Variants in ETFBKMT observed in about 807,000 individuals in gnomAD.
ETFBKMT encodes the protein electron transfer flavoprotein beta subunit lysine methyltransferase.
Under a neutral mutation model 18.3 loss-of-function variants are expected in ETFBKMT, and 13 were observed. That is an observed-to-expected ratio of 0.71 (90% CI 0.46 to 1.13). ETFBKMT has a LOEUF of 1.13. ETFBKMT is among the 50% of genes most tolerant of loss of function. ETFBKMT has a pLI of 0.00. For synonymous variants in ETFBKMT, 84 were observed against 107.9 expected (o/e 0.78, Z 1.37); for missense variants, 293 against 306.2 (o/e 0.96, Z 0.32).
intron 1 of ETFBKMT, among the ~76,000 whole-genome samples, chr12:31,653,239 T>C (rs1592131919): frequency 6.6e-6 from 1 of 151,738 alleles, no homozygotes; most frequent in Non-Finnish European, 1.5e-5. Context: ...TACCAGTGTG[T>C]AGTAACATTG....
At chr12:31,652,692 G>T (rs1380802931) in intron 1 of ETFBKMT, among the ~76,000 whole-genome samples, 1 of 152,162 alleles carries the variant, frequency 6.6e-6, no homozygotes, top group Non-Finnish European at 1.5e-5. Context: ...TAGAGATGAT[G>T]GTGATTTATA....
chr12:31,647,582 A>G (rs978762272), intron 1 of ETFBKMT, among the ~76,000 whole-genome samples: 15 of 152,324 alleles, frequency 9.8e-5, no homozygotes, highest in African/African-American at 3.6e-4. Context: ...TAATCCCAGC[A>G]CTTTGTGGGA....
rs180687572 is a variant in ETFBKMT, at chr12:31,671,103, C to T, written c.*3113C>T. The T allele has an allele frequency of 2.0e-5, 3 of 152,204 alleles. No homozygotes were observed. Among genetic ancestry groups the T allele is most frequent in the East Asian group, 1.9e-4 (1 of 5,188 alleles). 9.4% of individuals were successfully genotyped at this position (152,204 alleles called of 1,614,324 possible). A position where few individuals can be genotyped will look rare whatever the true frequency, so the allele number is the denominator to read the frequency against. On this transcript the variant is annotated 3_prime_UTR_variant, in exon 4 of 4. Coordinates refer to ENST00000357721, the MANE Select transcript of ETFBKMT (RefSeq NM_001135863.2). ...CCAAAGAAGCTCACAATTTAGATGT[C>T]GAAACTAGTTTCTGCAAAAAGGGGA...
chr12:31,670,365 C>G lies in ETFBKMT; in HGVS notation c.*2375C>G, dbSNP rs1045391926. On this transcript the variant is annotated 3_prime_UTR_variant, in exon 4 of 4. Transcript: ENST00000357721. ...GTTGTTGACTTTTCAGTTTATTGAG[C>G]TTTTTTCTTATTGTGAGGATGGGAA... is the stretch of plus-strand genomic sequence containing the variant. 2.6e-5 allele frequency: 4 copies of G among 152,128 alleles called. No homozygotes were observed. Among genetic ancestry groups the G allele is most frequent in the Non-Finnish European group, 4.4e-5 (3 of 68,044 alleles). The allele number at this position is 152,128 out of a possible 1,614,324, so 9.4% of individuals were successfully genotyped here. A position where few individuals can be genotyped will look rare whatever the true frequency, so the allele number is the denominator to read the frequency against.
At position 31,672,061 on chromosome 12, in the gene ETFBKMT, A is replaced by AAAG. The variant is rs1951284318; in HGVS notation, c.*4071_*4072insAAG. The AAAG allele has an allele frequency of 2.5e-6, 1 of 392,462 alleles. No homozygotes were observed. Among genetic ancestry groups the AAAG allele is most frequent in the Non-Finnish European group, 4.6e-6 (1 of 217,370 alleles). The allele number at this position is 392,462 out of a possible 1,614,324, so 24.3% of individuals were successfully genotyped here. On this transcript the variant is annotated 3_prime_UTR_variant, in exon 4 of 4. Transcript: ENST00000357721. ...ATAGATCAGAGTTCATGCTAGGATT[A>AAAG]TCATTTCAAAAATAATGACTCATCC...
Position 31,672,260 on chromosome 12 carries a change from A to T in ETFBKMT, c.*4270A>T. 1 of 1,315,602 alleles carries T rather than the reference A, an allele frequency of 7.6e-7. No individual in the cohort carries two copies. Among genetic ancestry groups the T allele is most frequent in the Admixed American group, 2.0e-5 (1 of 50,516 alleles). 81.5% of individuals were successfully genotyped at this position (1,315,602 alleles called of 1,614,324 possible). ...TCTATAGATGGTTTCCTGGGAAAGT[A>T]GTTTTGATAAGCTTTCCTAGCATTG... On this transcript the variant is annotated 3_prime_UTR_variant, in exon 4 of 4. Coordinates refer to ENST00000357721, the MANE Select transcript of ETFBKMT (RefSeq NM_001135863.2).
At chr12:31,666,455 A>G (rs559487569) in intron 3 of ETFBKMT, among the ~76,000 whole-genome samples, 1 of 152,106 alleles carries the variant, frequency 6.6e-6, no homozygotes, top group Admixed American at 6.6e-5. Flanking sequence ...ATGTTAATTT[A>G]TGGGCTAGGA....
intron 2 of ETFBKMT, among the ~76,000 whole-genome samples, chr12:31,663,414 C>T (rs1951153901): frequency 6.6e-6 from 1 of 150,768 alleles, no homozygotes; most frequent in Non-Finnish European, 1.5e-5. Context: ...TTAGTAGAGA[C>T]AGGGTTTCAC....
upstream of ETFBKMT, among the ~76,000 whole-genome samples, chr12:31,658,278 C>T (rs994917445): frequency 6.6e-6 from 1 of 152,124 alleles, no homozygotes; most frequent in Admixed American, 6.5e-5. Context: ...GCGTTTACAT[C>T]AGCAACTAAT....
rs982100503 is a variant in ETFBKMT at position 31,671,324 on chromosome 12, A to G, written c.*3334A>G. ...TTGTAAGGACAAGAAATGGAGTTGA[A>G]TAAGTACCCCCCAACATATACAAGA... On this transcript the variant is annotated 3_prime_UTR_variant, in exon 4 of 4. Coordinates refer to ENST00000357721, the MANE Select transcript of ETFBKMT (RefSeq NM_001135863.2). The G allele has an allele frequency of 6.6e-6, 1 of 152,234 alleles. No homozygotes were observed. Among genetic ancestry groups the G allele is most frequent in the African/African-American group, 2.4e-5 (1 of 41,462 alleles). The allele number at this position is 152,234 out of a possible 1,614,324, so 9.4% of individuals were successfully genotyped here. A position where few individuals can be genotyped will look rare whatever the true frequency, so the allele number is the denominator to read the frequency against.
chr12:31,649,904 G>A (rs1018026477), intron 1 of ETFBKMT, among the ~76,000 whole-genome samples: 2 of 148,230 alleles, frequency 1.3e-5, no homozygotes, highest in Non-Finnish European at 3.0e-5. Context: ...TTACAGGCAC[G>A]TACCACCACA....
rs1951312914 is a variant in ETFBKMT, at chr12:31,672,928, T to A, written c.*4938T>A. 1.3e-5 allele frequency: 2 copies of A among 153,108 alleles called. No individual in the cohort carries two copies. Among genetic ancestry groups the A allele is most frequent in the African/African-American group, 4.8e-5 (2 of 41,464 alleles). 9.5% of individuals were successfully genotyped at this position (153,108 alleles called of 1,614,324 possible). A position where few individuals can be genotyped will look rare whatever the true frequency, so the allele number is the denominator to read the frequency against. On this transcript the variant is annotated 3_prime_UTR_variant, in exon 4 of 4. Coordinates refer to ENST00000357721, the MANE Select transcript of ETFBKMT (RefSeq NM_001135863.2). ...ACATTTTTCCATGTCTGTATAATAC[T>A]ACTATAAAGCATGATTTTAAATAGA...
At chr12:31,665,543 C>A (rs1951183218) in intron 2 of ETFBKMT, among the ~76,000 whole-genome samples, 1 of 152,000 alleles carries the variant, frequency 6.6e-6, no homozygotes, top group African/African-American at 2.4e-5. Context: ...ACCAGCTCGG[C>A]TGGGGAGACC....
intron 2 of ETFBKMT, 76 bp downstream of exon 2, chr12:31,662,343 C>G (rs1951135849): frequency 7.1e-7 from 1 of 1,401,442 alleles, no homozygotes. Flanking sequence ...TACAAAAAAC[C>G]AGAGCAATGC....
chr12:31,661,232 C>T (rs1394553228), intron 1 of ETFBKMT, among the ~76,000 whole-genome samples: 1 of 152,160 alleles, frequency 6.6e-6, no homozygotes, highest in Non-Finnish European at 1.5e-5. Flanking sequence ...ATACCGGAAC[C>T]AATCACTTGA....
chr12:31,664,816 T>C (rs1298106570), intron 2 of ETFBKMT, among the ~76,000 whole-genome samples: 1 of 151,720 alleles, frequency 6.6e-6, no homozygotes, highest in East Asian at 1.9e-4. Context: ...GGTTTCACCC[T>C]GTTGGCCAGG....
In ETFBKMT at chr12:31,672,477, T is replaced by G. The variant is rs921043051; in HGVS notation, c.*4487T>G. On this transcript the variant is annotated 3_prime_UTR_variant, in exon 4 of 4. Transcript: ENST00000357721. The stretch of plus-strand genomic sequence containing the variant: ...GTGATGTTAATTATTATACAGTTAT[T>G]TAAAGGATTAAAGGAGGTGATCTAT... 1.2e-6 allele frequency: 1 copy of G among 806,046 alleles called. No homozygotes were observed. Among genetic ancestry groups the G allele is most frequent in the African/African-American group, 1.7e-5 (1 of 58,224 alleles). The allele number at this position is 806,046 out of a possible 1,614,324, so 49.9% of individuals were successfully genotyped here.
chr12:31,656,489 G>A (rs1379206105), upstream of ETFBKMT, among the ~76,000 whole-genome samples: 1 of 152,162 alleles, frequency 6.6e-6, no homozygotes, highest in Non-Finnish European at 1.5e-5. Context: ...CTGTACCATT[G>A]AAGGTCTGGG....
At chr12:31,659,685 A>G (rs148092362), upstream of ETFBKMT, 1 of 152,310 alleles carries the variant, frequency 6.6e-6, no homozygotes, top group Non-Finnish European at 1.5e-5. Flanking sequence ...CTGCTTAACA[A>G]TTAGTCTAGT....
Sources: gnomAD v4.1 joint callset for allele counts (sites outside exome capture counted in the v4.1 genomes callset) on GRCh38, gnomAD v4.1.1 for gene constraint, MANE v1.5 for transcripts, NCBI Gene and HGNC (gene_info 2026-07-23, HGNC 2026-07-21) for gene names.